The following DPP10 variants were observed in gnomAD, a reference collection of about 807,000 sequenced individuals.
DPP10 encodes dipeptidyl peptidase like 10.
A neutral mutation model predicts 120.9 loss-of-function variants in DPP10; 33 were observed. That is an observed-to-expected ratio of 0.27 (90% confidence interval 0.21 to 0.37). DPP10 has a LOEUF of 0.37. DPP10 is among the 10% of genes least tolerant of loss of function. The pLI, the probability that DPP10 is intolerant of heterozygous loss-of-function variation, is 1.00. For synonymous variants in DPP10, 337 were observed against 326.1 expected (o/e 1.03, Z -0.36); for missense variants, 816 against 942.8 (o/e 0.87, Z 1.76).
rs57107624 is a variant in DPP10 at position 114,965,964 on chromosome 2, C to CAA, written c.61-343253_61-343252dup. Among the ~76,000 whole-genome samples the CAA allele has an allele frequency of 3.7e-3, 275 of 74,780 alleles. 1 individual carries two copies. Among genetic ancestry groups the CAA allele is most frequent in the East Asian group, 5.2e-3 (11 of 2,106 alleles). The allele number at this position is 74,780 out of a possible 152,430, so 49.1% of individuals were successfully genotyped here. A position where few individuals can be genotyped will look rare whatever the true frequency, so the allele number is the denominator to read the frequency against. ...TTGGGCGCAGAGCGAGACTCCTTCTCAAAAAAAAAAAAAAAAAAAAAAAGA... is the reference window on the plus strand; with the variant it reads ...TTGGGCGCAGAGCGAGACTCCTTCTCAAAAAAAAAAAAAAAAAAAAAAAAAGA... On this transcript the variant is annotated intron_variant, in intron 1 of 25. Coordinates refer to ENST00000410059, the MANE Select transcript of DPP10 (RefSeq NM_020868.6).
At chr2:115,615,249 G>A (rs916885899) in intron 5 of DPP10, among the ~76,000 whole-genome samples, 9 of 152,010 alleles carry the variant, frequency 5.9e-5, no homozygotes, top group Non-Finnish European at 8.8e-5. Context: ...GGTAACCTTT[G>A]TGTCCATAGA....
intron 1 of DPP10, among the ~76,000 whole-genome samples, chr2:115,203,731 A>G (rs1046206456): frequency 2.0e-5 from 3 of 152,122 alleles, no homozygotes; most frequent in Admixed American, 2.0e-4. Flanking sequence ...TGACCTCTCT[A>G]TGATCTGCCT....
chr2:114,728,450 C>T (rs1361439492), intron 1 of DPP10, among the ~76,000 whole-genome samples: 1 of 152,170 alleles, frequency 6.6e-6, no homozygotes, highest in Non-Finnish European at 1.5e-5. Flanking sequence ...AGGCATGACT[C>T]TCCCACCCTC....
At chr2:115,139,691 C>T (rs2050818519) in intron 1 of DPP10, among the ~76,000 whole-genome samples, 1 of 109,604 alleles carries the variant, frequency 9.1e-6, no homozygotes, top group Admixed American at 1.4e-4. Context: ...GAATAGCCTG[C>T]AATTGGAAGG....
At chr2:114,775,965 C>A in intron 1 of DPP10, among the ~76,000 whole-genome samples, 1 of 152,050 alleles carries the variant, frequency 6.6e-6, no homozygotes, top group South Asian at 2.1e-4. Flanking sequence ...CATGGAGGCA[C>A]ATGGGAAGGA....
intron 1 of DPP10, among the ~76,000 whole-genome samples, chr2:114,947,466 G>A (rs2104616193): frequency 6.6e-6 from 1 of 151,246 alleles, no homozygotes; most frequent in Non-Finnish European, 1.5e-5. Context: ...GGTCATAATT[G>A]CATAGTCATA....
chr2:115,547,019 C>A (rs1483780533), intron 5 of DPP10, among the ~76,000 whole-genome samples: 2 of 152,108 alleles, frequency 1.3e-5, no homozygotes, highest in African/African-American at 2.4e-5. Context: ...ATGAGCCTGG[C>A]CTTTGAAAAG....
intron 1 of DPP10, chr2:115,131,015 T>C (rs1483255068): frequency 6.6e-6 from 1 of 152,240 alleles, no homozygotes; most frequent in Non-Finnish European, 1.5e-5. Flanking sequence ...TTCTTACTTC[T>C]TACACCATGA....
chr2:114,799,566 G>C (rs1363189048), intron 1 of DPP10, among the ~76,000 whole-genome samples: 2 of 152,140 alleles, frequency 1.3e-5, no homozygotes, highest in Non-Finnish European at 2.9e-5. Context: ...ATAGAGAAAA[G>C]ACATTTGCCT....
intron 1 of DPP10, among the ~76,000 whole-genome samples, chr2:114,567,306 A>G (rs577807468): frequency 1.4e-3 from 220 of 152,282 alleles, no homozygotes; most frequent in Non-Finnish European, 2.3e-3. Context: ...TCACATCTGC[A>G]AAGGGATTTT....
At chr2:115,167,260 G>GAAAAAAAAAAAAAAAAAAAAAAA (rs563385836) in intron 1 of DPP10, among the ~76,000 whole-genome samples, 1 of 132,430 alleles carries the variant, frequency 7.6e-6, no homozygotes. Flanking sequence ...AGACAAAATA[G>GAAAAAAAAAAAAAAAAAAAAAAA]AAAAAAAAAA....
chr2:115,023,735 A>G (rs1456131745), intron 1 of DPP10, among the ~76,000 whole-genome samples: 1 of 152,172 alleles, frequency 6.6e-6, no homozygotes, highest in East Asian at 1.9e-4. Flanking sequence ...TTGCAAAAAA[A>G]TATTAGATCA....
At chr2:115,518,194 C>T (rs899840470) in intron 4 of DPP10, among the ~76,000 whole-genome samples, 1 of 152,146 alleles carries the variant, frequency 6.6e-6, no homozygotes, top group Non-Finnish European at 1.5e-5. Flanking sequence ...CCACCTCCAA[C>T]ACTGGGGATC....
chr2:115,709,964 A>G (rs1575578279), intron 7 of DPP10, among the ~76,000 whole-genome samples: 1 of 152,144 alleles, frequency 6.6e-6, no homozygotes, highest in South Asian at 2.1e-4. Flanking sequence ...ATTCAAGGAT[A>G]ATCCCTCAAA....
At chr2:115,836,447 A>G in intron 22 of DPP10, 60 bp from the exon 23 acceptor site, 4 of 1,565,156 alleles carry the variant, frequency 2.6e-6, no homozygotes, top group Admixed American at 1.9e-5. Context: ...GAAATTAATG[A>G]AATATGCCAG....
At chr2:114,477,715 A>C (rs1174172908) in intron 1 of DPP10, among the ~76,000 whole-genome samples, 1 of 150,898 alleles carries the variant, frequency 6.6e-6, no homozygotes, top group African/African-American at 2.4e-5. Flanking sequence ...GTGTGTATAT[A>C]TATATATACA....
intron 1 of DPP10, among the ~76,000 whole-genome samples, chr2:114,926,859 T>TC (rs1052438106): frequency 6.6e-6 from 1 of 150,650 alleles, no homozygotes; most frequent in Non-Finnish European, 1.5e-5. Context: ...AATTTTTTTT[T>TC]TTTTTTTTTG....
chr2:114,985,086 T>G (rs1046546432), intron 1 of DPP10, among the ~76,000 whole-genome samples: 1 of 152,202 alleles, frequency 6.6e-6, no homozygotes, highest in African/African-American at 2.4e-5. Flanking sequence ...GGCCCAAAGA[T>G]TCTAAATAAT....
intron 1 of DPP10, among the ~76,000 whole-genome samples, chr2:114,777,353 C>T (rs319841): frequency 0.57 from 86,816 of 151,898 alleles, 25,232 homozygotes; most frequent in African/African-American, 0.66. Flanking sequence ...GTACAAATCA[C>T]AATCCTTAGA....
Sources: allele counts gnomAD v4.1 joint callset (sites outside exome capture counted in the v4.1 genomes callset), GRCh38; gene constraint gnomAD v4.1.1; transcripts MANE v1.5; gene names NCBI Gene and HGNC (gene_info 2026-07-23, HGNC 2026-07-21).